TICAM2: variants seen among roughly 807,000 people sequenced by gnomAD.
The protein encoded by TICAM2 is TIR domain containing adaptor molecule 2.
TICAM2 carries 8 observed loss-of-function variants against 7.3 expected under a neutral mutation model. That is an observed-to-expected ratio of 1.10 (90% CI 0.65 to 1.99). The LOEUF (loss-of-function observed/expected upper bound fraction) is 1.99. TICAM2 is among the 30% of genes most tolerant of loss of function. TICAM2 has a pLI of 0.00. For synonymous variants in TICAM2, 113 were observed against 99.6 expected (o/e 1.13, Z -0.80); for missense variants, 304 against 278.8 (o/e 1.09, Z -0.65).
At chr5:115,586,444 A>G (rs1328776617) in intron 1 of TICAM2, among the ~76,000 whole-genome samples, 2 of 151,730 alleles carry the variant, frequency 1.3e-5, no homozygotes, top group African/African-American at 4.8e-5. Flanking sequence ...AACAGAACAG[A>G]AAGAACTAGC....
Position 115,581,006 on chromosome 5 carries a change from A to T in TICAM2, c.251T>A (p.Leu84Ter). The T allele has an allele frequency of 6.2e-7, 1 of 1,614,054 alleles. No individual in the cohort carries two copies. The highest frequency in any genetic ancestry group is 8.5e-7 in the Non-Finnish European group (1 of 1,179,982). Residue 84 changes from leucine (L) to a stop codon, truncating the protein, a stop_gained, in exon 2 of 2, where the codon TTG becomes TAG. Coordinates refer to ENST00000427199, the MANE Select transcript of TICAM2 (RefSeq NM_021649.7). LOFTEE classifies it high-confidence loss of function. ...TTCATCTGTGTCATCTTCTGCATGC[A>T]ATATCACAAATTTGAGGAACACCTC... ...EEEVFLKFVI[L>*]HAEDDTDEAL... is the part of the protein sequence containing the mutation.
In TICAM2 at chr5:115,581,096, C is replaced by T. The variant is rs1240176230; in HGVS notation, c.161G>A (p.Gly54Glu). 6.2e-7 allele frequency: 1 copy of T among 1,614,112 alleles called. No individual in the cohort carries two copies. The highest frequency in any genetic ancestry group is 8.5e-7 in the Non-Finnish European group (1 of 1,180,036). Residue 54 changes from glycine (G) to glutamate (E), a missense_variant, in exon 2 of 2, where the codon GGG becomes GAG. Gly to Glu is a moderately conservative substitution (Grantham distance 98). Transcript: ENST00000427199. ...NVAEHSNTTE[G>E]PTGKQEGAQS... ...AGCTCCCTCCTGCTTTCCTGTTGGC[C>T]CCTCTGTTGTATTGCTGTGCTCAGC...
At chr5:115,587,891 T>G (rs1755167242) in intron 1 of TICAM2, among the ~76,000 whole-genome samples, 1 of 151,814 alleles carries the variant, frequency 6.6e-6, no homozygotes, top group African/African-American at 2.4e-5. Context: ...GAGAGAGAGC[T>G]AAAGACAGAA....
chr5:115,588,403 C>T (rs542040611), intron 1 of TICAM2, among the ~76,000 whole-genome samples: 3 of 152,050 alleles, frequency 2.0e-5, no homozygotes, highest in East Asian at 3.9e-4. Context: ...TGGGACTTCA[C>T]GTTGTACCTT....
rs970658120 is a variant in TICAM2 at position 115,602,195 on chromosome 5, G to C, written c.-158C>G. ...GGGTGGGCGTCTTGCCCCGGGCGTC[G>C]AGAGTTTGGGGCCGTCCCGTACGCG... is the stretch of plus-strand genomic sequence containing the variant. On this transcript the variant is annotated 5_prime_UTR_variant, in exon 1 of 2. Coordinates refer to ENST00000427199, the MANE Select transcript of TICAM2 (RefSeq NM_021649.7). 12 of 152,360 alleles carry C rather than the reference G, an allele frequency of 7.9e-5. No individual in the cohort carries two copies. The highest frequency in any genetic ancestry group is 2.9e-4 in the African/African-American group (12 of 41,452). 9.4% of individuals were successfully genotyped at this position (152,360 alleles called of 1,614,324 possible).
intron 1 of TICAM2, among the ~76,000 whole-genome samples, chr5:115,584,344 CGT>C (rs1755030619): frequency 6.6e-6 from 1 of 152,088 alleles, no homozygotes; most frequent in Non-Finnish European, 1.5e-5. Context: ...CAGAGCTTTC[CGT>C]AACAGCGCAT....
At chr5:115,582,551 T>A (rs983588391) in intron 1 of TICAM2, among the ~76,000 whole-genome samples, 34 of 152,120 alleles carry the variant, frequency 2.2e-4, no homozygotes, top group Admixed American at 2.2e-3. Context: ...AAGTATACCA[T>A]GTGAATCTAA....
chr5:115,584,901 A>G (rs1330576506), intron 1 of TICAM2, among the ~76,000 whole-genome samples: 1 of 152,202 alleles, frequency 6.6e-6, no homozygotes, highest in Non-Finnish European at 1.5e-5. Context: ...TATTAAACAG[A>G]AGAGGAATGA....
At chr5:115,600,893 A>G (rs1755704651) in intron 1 of TICAM2, among the ~76,000 whole-genome samples, 1 of 152,242 alleles carries the variant, frequency 6.6e-6, no homozygotes, top group South Asian at 2.1e-4. Context: ...TAAAGACAGA[A>G]GATTTAACAG....
At chr5:115,597,686 A>T (rs1287748810) in intron 1 of TICAM2, among the ~76,000 whole-genome samples, 1 of 152,222 alleles carries the variant, frequency 6.6e-6, no homozygotes, top group African/African-American at 2.4e-5. Context: ...GGTATACTTA[A>T]GGGTAGGGAA....
At chr5:115,584,182 C>A (rs1755025294) in intron 1 of TICAM2, among the ~76,000 whole-genome samples, 1 of 151,810 alleles carries the variant, frequency 6.6e-6, no homozygotes, top group Admixed American at 6.6e-5. Flanking sequence ...TCAAAAATGT[C>A]CCAAAATTCA....
intron 1 of TICAM2, among the ~76,000 whole-genome samples, chr5:115,583,694 C>T (rs1397287276): frequency 6.6e-6 from 1 of 152,188 alleles, no homozygotes; most frequent in Non-Finnish European, 1.5e-5. Flanking sequence ...CCTTAGTGCA[C>T]TGTGGTTCCC....
intron 1 of TICAM2, among the ~76,000 whole-genome samples, chr5:115,601,306 C>A (rs1237645313): frequency 6.8e-6 from 1 of 146,730 alleles, no homozygotes; most frequent in Non-Finnish European, 1.5e-5. Context: ...TTCTGGAAAT[C>A]AAGCTTACCA....
intron 1 of TICAM2, among the ~76,000 whole-genome samples, chr5:115,601,043 G>C (rs937640908): frequency 4.6e-5 from 7 of 152,082 alleles, no homozygotes; most frequent in African/African-American, 9.7e-5. Flanking sequence ...CATTTACTTT[G>C]CTTCAAATGT....
Position 115,579,903 on chromosome 5 carries a change from A to G in TICAM2, c.*646T>C, listed in dbSNP as rs1276182723. ...CTGAACACCACTCCACGAAGTCCCTAACTACCACACTATCAAATGGGCTGT... is the reference window on the plus strand; with the variant it reads ...CTGAACACCACTCCACGAAGTCCCTGACTACCACACTATCAAATGGGCTGT... On this transcript the variant is annotated 3_prime_UTR_variant, in exon 2 of 2. Transcript: ENST00000427199. 6.6e-6 allele frequency: 1 copy of G among 152,226 alleles called. No individual in the cohort carries two copies. Among genetic ancestry groups the G allele is most frequent in the Non-Finnish European group, 1.5e-5 (1 of 68,050 alleles). The allele number at this position is 152,226 out of a possible 1,614,324, so 9.4% of individuals were successfully genotyped here.
chr5:115,596,802 C>G (rs189874214), intron 1 of TICAM2, among the ~76,000 whole-genome samples: 1 of 152,072 alleles, frequency 6.6e-6, no homozygotes, highest in Non-Finnish European at 1.5e-5. Context: ...GCCTGTAGTC[C>G]CAGCTACTCG....
chr5:115,586,418 G>GAAA (rs3072127), intron 1 of TICAM2, among the ~76,000 whole-genome samples: 2 of 133,394 alleles, frequency 1.5e-5, no homozygotes, highest in Admixed American at 7.6e-5. Context: ...TAGAGTGTTG[G>GAAA]AAAAAAAAAA....
At chr5:115,597,253 A>G (rs1228952832) in intron 1 of TICAM2, among the ~76,000 whole-genome samples, 1 of 152,206 alleles carries the variant, frequency 6.6e-6, no homozygotes, top group Non-Finnish European at 1.5e-5. Flanking sequence ...TTAGGTTGAC[A>G]GACCTTTTTG....
intron 1 of TICAM2, among the ~76,000 whole-genome samples, chr5:115,591,587 C>A (rs577807080): frequency 1.3e-4 from 20 of 151,378 alleles, no homozygotes; most frequent in Admixed American, 2.0e-4. Flanking sequence ...AAAGGCATGG[C>A]AGGTAAGAAA....
Sources: gnomAD v4.1 joint callset for allele counts (sites outside exome capture counted in the v4.1 genomes callset) on GRCh38, gnomAD v4.1.1 for gene constraint, MANE v1.5 for transcripts, NCBI Gene and HGNC (gene_info 2026-07-23, HGNC 2026-07-21) for gene names.